The following PDGFRL variants were observed in gnomAD, a reference collection of about 807,000 sequenced individuals.
PDGFRL encodes platelet derived growth factor receptor like.
A neutral mutation model predicts 37.2 loss-of-function variants in PDGFRL; 46 were observed. The observed-to-expected ratio is 1.24, with a 90% CI of 0.98 to 1.58. PDGFRL has a LOEUF of 1.58. Among genes scored for constraint, PDGFRL ranks in the 40% most tolerant of loss-of-function variants. PDGFRL has a pLI of 0.00. For missense variants in PDGFRL, 692 were observed against 467.6 expected (o/e 1.48, Z -4.43); for synonymous variants, 251 against 184.3 (o/e 1.36, Z -2.93).
upstream of PDGFRL, chr8:17,577,172 G>A (rs1585291611): frequency 6.8e-6 from 10 of 1,475,170 alleles, no homozygotes; most frequent in East Asian, 1.6e-4. Context: ...CCAGGAGCCC[G>A]CCCCTCGCCC....
chr8:17,607,579 C>G (rs1484030404), intron 2 of PDGFRL, among the ~76,000 whole-genome samples: 1 of 152,158 alleles, frequency 6.6e-6, no homozygotes, highest in Admixed American at 6.5e-5. Context: ...ATATCACCAA[C>G]TATGTTAGAT....
intron 1 of PDGFRL, among the ~76,000 whole-genome samples, chr8:17,577,768 C>T (rs1294053386): frequency 6.6e-6 from 1 of 151,718 alleles, no homozygotes; most frequent in African/African-American, 2.4e-5. Context: ...TGACCTCCCC[C>T]TCCCCTCGCA....
chr8:17,620,524 A>G (rs1054784462), intron 2 of PDGFRL, among the ~76,000 whole-genome samples: 1 of 152,184 alleles, frequency 6.6e-6, no homozygotes, highest in African/African-American at 2.4e-5. Context: ...CAACCGATGT[A>G]CCAATATTTA....
At chr8:17,619,227 A>T (rs1184750699) in intron 2 of PDGFRL, among the ~76,000 whole-genome samples, 2 of 152,174 alleles carry the variant, frequency 1.3e-5, no homozygotes, top group African/African-American at 4.8e-5. Context: ...AAAACTGCTT[A>T]TTTTGGCGCC....
chr8:17,595,078 G>A (rs1174878681), intron 2 of PDGFRL, among the ~76,000 whole-genome samples: 1 of 152,102 alleles, frequency 6.6e-6, no homozygotes, highest in Admixed American at 6.5e-5. Flanking sequence ...AGCCGGGTCA[G>A]GAGCAGTGAG....
intron 2 of PDGFRL, among the ~76,000 whole-genome samples, chr8:17,619,430 C>T (rs1804589329): frequency 6.6e-6 from 1 of 152,062 alleles, no homozygotes. Flanking sequence ...ATATATTTGC[C>T]ATGCAACAAG....
chr8:17,587,043 A>T (rs1275084034), intron 1 of PDGFRL, among the ~76,000 whole-genome samples: 2 of 152,192 alleles, frequency 1.3e-5, no homozygotes, highest in Non-Finnish European at 2.9e-5. Context: ...GAAGAGTCAT[A>T]TTCTTTTAAA....
intron 3 of PDGFRL, among the ~76,000 whole-genome samples, chr8:17,621,508 C>G (rs954135514): frequency 6.6e-6 from 1 of 151,816 alleles, no homozygotes; most frequent in Non-Finnish European, 1.5e-5. Flanking sequence ...CAACACAAAC[C>G]ATTTGGTTCC....
intron 2 of PDGFRL, among the ~76,000 whole-genome samples, chr8:17,612,035 G>C (rs934034140): frequency 6.6e-6 from 1 of 152,154 alleles, no homozygotes; most frequent in Non-Finnish European, 1.5e-5. Context: ...ACACAGGCAG[G>C]GGAGCAGAAT....
chr8:17,635,717 T>TG (rs1804959088), intron 5 of PDGFRL, among the ~76,000 whole-genome samples: 1 of 152,226 alleles, frequency 6.6e-6, no homozygotes, highest in South Asian at 2.1e-4. Flanking sequence ...CCATAGTGGT[T>TG]GTACTAGTTT....
At chr8:17,608,815 G>A (rs1236759564) in intron 2 of PDGFRL, among the ~76,000 whole-genome samples, 1 of 152,192 alleles carries the variant, frequency 6.6e-6, no homozygotes, top group Non-Finnish European at 1.5e-5. Context: ...AGGAAGGAGA[G>A]AAGGCAGCTG....
intron 5 of PDGFRL, among the ~76,000 whole-genome samples, chr8:17,637,004 C>T (rs1006786352): frequency 1.3e-5 from 2 of 152,114 alleles, no homozygotes; most frequent in Non-Finnish European, 2.9e-5. Context: ...TCAGTTCTAG[C>T]AGCTTTTTGG....
intron 2 of PDGFRL, among the ~76,000 whole-genome samples, chr8:17,592,457 C>T (rs547379720): frequency 3.0e-4 from 46 of 152,300 alleles, no homozygotes; most frequent in African/African-American, 1.1e-3. Context: ...TCCCTGCTCA[C>T]CACTCGGTGG....
intron 5 of PDGFRL, among the ~76,000 whole-genome samples, chr8:17,639,063 A>T (rs927537363): frequency 6.6e-5 from 10 of 151,770 alleles, no homozygotes; most frequent in Non-Finnish European, 4.4e-5. Context: ...AAAACAAAAC[A>T]AACAAAAAGA....
chr8:17,616,385 C>T (rs552059298), intron 2 of PDGFRL, among the ~76,000 whole-genome samples: 3 of 151,844 alleles, frequency 2.0e-5, no homozygotes, highest in Admixed American at 2.0e-4. Flanking sequence ...AATAGAGATG[C>T]GGTTTCACCA....
intron 2 of PDGFRL, among the ~76,000 whole-genome samples, chr8:17,614,081 C>T (rs1157572699): frequency 6.6e-6 from 1 of 151,986 alleles, no homozygotes; most frequent in Non-Finnish European, 1.5e-5. Flanking sequence ...GACAGATTGA[C>T]AGATGATAGA....
chr8:17,621,056 A>G lies in PDGFRL; in HGVS notation c.359A>G (p.Lys120Arg), dbSNP rs752457125. 5 of 1,598,620 alleles carry G rather than the reference A, an allele frequency of 3.1e-6. No homozygotes were observed. The Admixed American group carries it at 6.8e-5, about 22-fold the overall frequency. ...CATGTGTCTTTTATTCCTAGCGTCAAGCAGAATGAGCGCTACGGCCAGTTG... is the reference window on the plus strand; with the variant it reads ...CATGTGTCTTTTATTCCTAGCGTCAGGCAGAATGAGCGCTACGGCCAGTTG... Reference protein sequence around the residue: ...DTFKDSRLSVKQNERYGQLTL... With the variant: ...DTFKDSRLSVRQNERYGQLTL... Residue 120 changes from lysine to arginine, a missense_variant, in exon 3 of 6, where the codon AAG becomes AGG. Physicochemically the swap from Lys to Arg is conservative, Grantham distance 26. Coordinates refer to ENST00000251630, the MANE Select transcript of PDGFRL (RefSeq NM_001372073.1).
chr8:17,589,691 G>A lies in PDGFRL; in HGVS notation c.279G>A (p.Glu93=), dbSNP rs535221150. ...TLSLLAGQTV[E]LRCKGSRIGW... ...GTCTGCTGGCGGGGCAAACTGTAGA[G>A]CTTCGATGTAAAGGGAGTAGAATTG... Residue 93 remains glutamate, a synonymous_variant, in exon 2 of 6, where the codon GAG becomes GAA. Transcript: ENST00000251630. 9 of 1,613,634 alleles carry A rather than the reference G, an allele frequency of 5.6e-6. No homozygotes were observed. Among genetic ancestry groups the A allele is most frequent in the South Asian group, 5.5e-5 (5 of 91,068 alleles).
chr8:17,587,046 C>A (rs57152943), intron 1 of PDGFRL, among the ~76,000 whole-genome samples: 1 of 152,164 alleles, frequency 6.6e-6, no homozygotes, highest in Non-Finnish European at 1.5e-5. Context: ...GAGTCATATT[C>A]TTTTAAACAG....
Sources: allele counts gnomAD v4.1 joint callset (sites outside exome capture counted in the v4.1 genomes callset), GRCh38; gene constraint gnomAD v4.1.1; transcripts MANE v1.5; gene names NCBI Gene and HGNC (gene_info 2026-07-23, HGNC 2026-07-21).